Variants in CDH18 observed in about 807,000 individuals in gnomAD.
The protein encoded by CDH18 is cadherin-18.
In CDH18, 31 loss-of-function variants were observed where a neutral mutation model predicts 67.9. The ratio of observed to expected loss-of-function variants is 0.46; its 90% CI spans 0.34 to 0.62. The LOEUF (loss-of-function observed/expected upper bound fraction) is 0.62, where lower values mean the gene tolerates loss of function less well. Among genes scored for constraint, CDH18 ranks in the 20% least tolerant of loss-of-function variants. The pLI, the probability that CDH18 is intolerant of heterozygous loss-of-function variation, is 0.01. For synonymous variants in CDH18, 362 were observed against 347.2 expected, an observed-to-expected ratio of 1.04 and a Z score of -0.48; for missense variants, 890 against 975.5, an observed-to-expected ratio of 0.91 and a Z score of 1.17.
intron 1 of CDH18, among the ~76,000 whole-genome samples, chr5:20,341,832 CA>C (rs1435149776): frequency 1.3e-5 from 2 of 151,948 alleles, no homozygotes; most frequent in Non-Finnish European, 2.9e-5. Flanking sequence ...AAAAAAAATG[CA>C]TATGACACTC....
chr5:20,485,387 T>G (rs1753099423), intron 1 of CDH18, among the ~76,000 whole-genome samples: 2 of 152,126 alleles, frequency 1.3e-5, no homozygotes, highest in Non-Finnish European at 2.9e-5. Flanking sequence ...AGGACACCAT[T>G]TATCTATCCT....
intron 1 of CDH18, among the ~76,000 whole-genome samples, chr5:20,282,738 G>A (rs900541803): frequency 6.6e-6 from 1 of 152,064 alleles, no homozygotes; most frequent in Admixed American, 6.6e-5. Flanking sequence ...CATCAAATGA[G>A]TTAGGGAGGA....
chr5:19,599,033 T>C (rs1277592610), intron 6 of CDH18, among the ~76,000 whole-genome samples: 1 of 152,170 alleles, frequency 6.6e-6, no homozygotes, highest in Non-Finnish European at 1.5e-5. Context: ...AATAATTTTT[T>C]TAAAAATCAT....
At chr5:20,556,049 C>A (rs1300101806) in intron 1 of CDH18, among the ~76,000 whole-genome samples, 5 of 152,064 alleles carry the variant, frequency 3.3e-5, no homozygotes, top group Middle Eastern at 3.2e-3. Context: ...ACATTATCAC[C>A]CCACATTGCA....
Position 20,091,321 on chromosome 5 carries a change from T to TA in CDH18, c.-517-99308dup, listed in dbSNP as rs1028223280. Among the ~76,000 whole-genome samples the TA allele has an allele frequency of 2.9e-3, 416 of 143,256 alleles. 12 individuals carry two copies. The South Asian group carries it at 0.054, about 19-fold the overall frequency. The allele number at this position is 143,256 out of a possible 152,430, so 94.0% of individuals were successfully genotyped here. The stretch of plus-strand genomic sequence containing the variant: ...GCATCATAACAAGACCTCATCTCTA[T>TA]AAAAAAAAAAAGTTAAAAACTTAGC... On this transcript the variant is annotated intron_variant, in intron 2 of 14. Transcript: ENST00000507958.
intron 1 of CDH18, among the ~76,000 whole-genome samples, chr5:20,295,489 G>C (rs1352649528): frequency 6.6e-6 from 1 of 152,148 alleles, no homozygotes; most frequent in Non-Finnish European, 1.5e-5. Context: ...AGCGCTTTGG[G>C]AGGCCGAGGA....
Position 20,427,892 on chromosome 5 carries a change from A to C in CDH18, c.-580+147570T>G, listed in dbSNP as rs558508912. Among the ~76,000 whole-genome samples, 25 of 151,330 alleles carry C rather than the reference A, an allele frequency of 1.7e-4. No homozygotes were observed. The East Asian group carries it at 2.1e-3, about 13-fold the overall frequency. On this transcript the variant is annotated intron_variant, in intron 1 of 14. Coordinates refer to the CDH18 transcript ENST00000507958. ...GCTGAAAGTTGCCACTTTTCTAATC[A>C]GAACATTATCAAACTCTTTTTGACC...
intron 3 of CDH18, 125 bp downstream of exon 3, chr5:19,838,634 C>T (rs569281420): frequency 4.2e-5 from 27 of 638,018 alleles, no homozygotes; most frequent in South Asian, 4.0e-4. Context: ...GTTTCTATAG[C>T]GTAATTCACT....
chr5:20,564,494 C>G (rs1373090398), intron 1 of CDH18, among the ~76,000 whole-genome samples: 1 of 151,854 alleles, frequency 6.6e-6, no homozygotes, highest in African/African-American at 2.4e-5. Context: ...TCTGGTTGGG[C>G]CAGGCTGGTC....
At chr5:20,427,727 A>C (rs1252766086) in intron 1 of CDH18, among the ~76,000 whole-genome samples, 2 of 151,154 alleles carry the variant, frequency 1.3e-5, no homozygotes, top group Non-Finnish European at 2.9e-5. Context: ...TGACTTTATA[A>C]GTGATTACGA....
rs376713252 is a variant in CDH18, at chr5:19,746,999, C to A, written c.466G>T (p.Ala156Ser). The change falls in exon 4 of 13, where the codon GCT becomes TCT. Residue 156 changes from alanine (A) to serine (S), a missense_variant. Ala to Ser is a moderately conservative substitution (Grantham distance 99, BLOSUM62 1). This residue lies in a region of CDH18 where 234 missense variants were observed against 307.4 expected (regional missense o/e 0.76). Coordinates refer to ENST00000382275, the MANE Select transcript of CDH18 (RefSeq NM_004934.5). ...IIKVQDINDN[A>S]PKFTDGPYIV... ...TATGGTCCATCTGTGAATTTTGGAGCGTTGTCATTGATGTCTTGCACTTTG... is the reference window on the plus strand; with the variant it reads ...TATGGTCCATCTGTGAATTTTGGAGAGTTGTCATTGATGTCTTGCACTTTG... 1.2e-6 allele frequency: 2 copies of A among 1,614,054 alleles called. No homozygotes were observed. Among genetic ancestry groups the A allele is most frequent in the Admixed American group, 3.3e-5 (2 of 60,006 alleles).
chr5:20,085,680 G>A (rs537056674), intron 2 of CDH18, among the ~76,000 whole-genome samples: 3 of 152,254 alleles, frequency 2.0e-5, no homozygotes, highest in Admixed American at 1.3e-4. Context: ...TCAAGGAAGA[G>A]CAAGTCTTGT....
At chr5:20,190,354 C>A (rs1185696295) in intron 2 of CDH18, among the ~76,000 whole-genome samples, 1 of 152,096 alleles carries the variant, frequency 6.6e-6, no homozygotes, top group African/African-American at 2.4e-5. Flanking sequence ...CTGATGGCCA[C>A]CAAACTCCAT....
intron 11 of CDH18, among the ~76,000 whole-genome samples, 175 bp from the exon 12 acceptor site, chr5:19,483,727 A>T (rs1739891751): frequency 6.6e-6 from 1 of 152,234 alleles, no homozygotes; most frequent in South Asian, 2.1e-4. Flanking sequence ...TCTCCAACTG[A>T]GAAACCTATT....
chr5:19,859,193 G>C (rs2149969505), intron 2 of CDH18, among the ~76,000 whole-genome samples: 1 of 152,196 alleles, frequency 6.6e-6, no homozygotes. Flanking sequence ...TTCAGGCCAT[G>C]ATGGGAAGTA....
chr5:20,356,776 TGCAC>T (rs1741658087), intron 1 of CDH18, among the ~76,000 whole-genome samples: 1 of 141,840 alleles, frequency 7.1e-6, no homozygotes, highest in African/African-American at 2.5e-5. Context: ...TATATACACA[TGCAC>T]ACACACATAT....
intron 2 of CDH18, among the ~76,000 whole-genome samples, chr5:20,097,666 G>A (rs934234831): frequency 2.0e-5 from 3 of 152,004 alleles, no homozygotes; most frequent in Non-Finnish European, 2.9e-5. Context: ...TATTATTTCC[G>A]TGATTAAATT....
At chr5:20,244,246 T>C (rs1743205228) in intron 2 of CDH18, among the ~76,000 whole-genome samples, 1 of 152,094 alleles carries the variant, frequency 6.6e-6, no homozygotes, top group African/African-American at 2.4e-5. Flanking sequence ...CTTAATGTGA[T>C]AAAGAAGTTT....
intron 1 of CDH18, among the ~76,000 whole-genome samples, chr5:20,367,902 C>T (rs1259935199): frequency 3.3e-5 from 5 of 152,170 alleles, no homozygotes; most frequent in African/African-American, 1.2e-4. Flanking sequence ...AACTCTACTT[C>T]CACATTACAA....
Sources: allele counts gnomAD v4.1 joint callset (sites outside exome capture counted in the v4.1 genomes callset), GRCh38; gene constraint gnomAD v4.1.1; regional missense constraint gnomAD v4.1.1; transcripts MANE v1.5; gene names NCBI Gene and HGNC (gene_info 2026-07-23, HGNC 2026-07-21).